The following PRELID2 variants were observed in gnomAD, a reference collection of about 807,000 sequenced individuals.
PRELID2 encodes PRELI domain-containing protein 2.
A neutral mutation model predicts 28.4 loss-of-function variants in PRELID2; 25 were observed. That is an observed-to-expected ratio of 0.88 (90% CI 0.64 to 1.23). The LOEUF (loss-of-function observed/expected upper bound fraction) is 1.23. PRELID2 is among the 50% of genes most tolerant of loss of function. PRELID2 has a pLI of 0.00. For synonymous variants in PRELID2, 76 were observed against 71.6 expected (o/e 1.06, Z -0.31); for missense variants, 201 against 214.4 (o/e 0.94, Z 0.39).
chr5:145,569,371 T>A (rs1367845940), intron 1 of PRELID2, among the ~76,000 whole-genome samples: 1 of 152,220 alleles, frequency 6.6e-6, no homozygotes, highest in East Asian at 1.9e-4. Flanking sequence ...CAGCCCTTAA[T>A]TGTAATTTTT....
the PRELID2 span, among the ~76,000 whole-genome samples, chr5:145,289,141 A>AT: frequency 0.079 from 11,938 of 151,854 alleles, 576 homozygotes; most frequent in African/African-American, 0.15. Context: ...CTCCTAAATG[A>AT]TTTTTTTTAA....
chr5:145,364,990 T>C, the PRELID2 span, among the ~76,000 whole-genome samples: 2 of 152,036 alleles, frequency 1.3e-5, no homozygotes, highest in East Asian at 3.9e-4. Context: ...AGGATTTTTA[T>C]TGACTGACTC....
chr5:145,593,438 C>A (rs1753258750), intron 1 of PRELID2, among the ~76,000 whole-genome samples: 1 of 152,114 alleles, frequency 6.6e-6, no homozygotes, highest in South Asian at 2.1e-4. Flanking sequence ...ATCCGAACAG[C>A]CAGCTATTGG....
chr5:145,316,232 T>C, the PRELID2 span, among the ~76,000 whole-genome samples: 4 of 152,188 alleles, frequency 2.6e-5, no homozygotes, highest in African/African-American at 7.2e-5. Flanking sequence ...ATTAGTAATG[T>C]AGAGTAAACT....
At chr5:145,339,078 G>A in the PRELID2 span, among the ~76,000 whole-genome samples, 2 of 152,186 alleles carry the variant, frequency 1.3e-5, no homozygotes, top group African/African-American at 4.8e-5. Context: ...TGTGGATAGG[G>A]TAGAAGAGGC....
intron 1 of PRELID2, among the ~76,000 whole-genome samples, chr5:145,606,815 T>C (rs919689130): frequency 6.6e-6 from 1 of 152,132 alleles, no homozygotes; most frequent in Non-Finnish European, 1.5e-5. Flanking sequence ...TCAACCCTTT[T>C]GGAATAGTTT....
At chr5:145,738,333 G>C (rs948872692) in intron 1 of PRELID2, among the ~76,000 whole-genome samples, 3 of 151,972 alleles carry the variant, frequency 2.0e-5, no homozygotes, top group Non-Finnish European at 4.4e-5. Context: ...CAACCTGAAA[G>C]AAAAAAGGCA....
At chr5:145,369,778 C>G in the PRELID2 span, among the ~76,000 whole-genome samples, 1 of 152,046 alleles carries the variant, frequency 6.6e-6, no homozygotes, top group Non-Finnish European at 1.5e-5. Flanking sequence ...GCCTCACCAG[C>G]ATCTATTGTT....
chr5:145,391,038 C>T, the PRELID2 span, among the ~76,000 whole-genome samples: 1 of 152,178 alleles, frequency 6.6e-6, no homozygotes, highest in Non-Finnish European at 1.5e-5. Flanking sequence ...GAAGTGCCAC[C>T]CCTGTGGCTT....
the PRELID2 span, among the ~76,000 whole-genome samples, chr5:145,328,044 C>T: frequency 6.6e-6 from 1 of 152,000 alleles, no homozygotes; most frequent in Non-Finnish European, 1.5e-5. Flanking sequence ...GTTTGGTTTT[C>T]TGTTCCTGTG....
intron 1 of PRELID2, among the ~76,000 whole-genome samples, chr5:145,692,135 T>A (rs1755163146): frequency 6.6e-6 from 1 of 152,190 alleles, no homozygotes; most frequent in Non-Finnish European, 1.5e-5. Context: ...CTGGCTCATA[T>A]TTTCACAATG....
chr5:145,337,816 C>G, the PRELID2 span: 1 of 148,938 alleles, frequency 6.7e-6, no homozygotes, highest in African/African-American at 2.5e-5. Context: ...ACAGAAGTTT[C>G]TGTTCCTATG....
At chr5:145,794,238 G>A (rs1266614441) in intron 5 of PRELID2, among the ~76,000 whole-genome samples, 1 of 152,124 alleles carries the variant, frequency 6.6e-6, no homozygotes, top group Non-Finnish European at 1.5e-5. Flanking sequence ...ATACCACTTG[G>A]TTGCTGGCAG....
intron 1 of PRELID2, among the ~76,000 whole-genome samples, chr5:145,604,032 C>G (rs939994801): frequency 4.6e-5 from 7 of 151,816 alleles, no homozygotes; most frequent in Non-Finnish European, 8.8e-5. Context: ...AGTAATGACA[C>G]TATATATAAA....
chr5:145,729,674 C>G, intron 1 of PRELID2, among the ~76,000 whole-genome samples: 2 of 152,352 alleles, frequency 1.3e-5, no homozygotes, highest in South Asian at 4.1e-4. Flanking sequence ...GTTGACGATG[C>G]GTCCTCTGCT....
the PRELID2 span, among the ~76,000 whole-genome samples, chr5:145,291,355 A>T: frequency 6.6e-6 from 1 of 150,880 alleles, no homozygotes; most frequent in Non-Finnish European, 1.5e-5. Flanking sequence ...AAAAAAAAAA[A>T]AAAAAAGGAG....
chr5:145,395,316 T>A, the PRELID2 span, among the ~76,000 whole-genome samples: 1 of 152,112 alleles, frequency 6.6e-6, no homozygotes, highest in East Asian at 1.9e-4. Context: ...TGCAGGAAAT[T>A]CAATGCTCCA....
At chr5:145,418,671 G>C in the PRELID2 span, among the ~76,000 whole-genome samples, 18 of 152,278 alleles carry the variant, frequency 1.2e-4, 1 homozygote, top group Middle Eastern at 3.4e-3. Context: ...ATGGTGCTGG[G>C]AGAACTGGTT....
chr5:145,563,131 C>G (rs1580978622), intron 1 of PRELID2, among the ~76,000 whole-genome samples: 1 of 152,230 alleles, frequency 6.6e-6, no homozygotes, highest in Admixed American at 6.5e-5. Flanking sequence ...TATCCTCATA[C>G]CCTGGCCACA....
Sources: gnomAD v4.1 joint callset for allele counts (sites outside exome capture counted in the v4.1 genomes callset) on GRCh38, gnomAD v4.1.1 for gene constraint, MANE v1.5 for transcripts, NCBI Gene and HGNC (gene_info 2026-07-23, HGNC 2026-07-21) for gene names.